Variants in SNX10 observed in about 807,000 individuals in gnomAD.
The protein encoded by SNX10 is sorting nexin-10.
SNX10 carries 25 observed loss-of-function variants against 28.5 expected under a neutral mutation model. That is an observed-to-expected ratio of 0.88 (90% CI 0.64 to 1.22). The LOEUF is 1.22. SNX10 is among the 50% of genes most tolerant of loss of function. The pLI is 0.00. For missense variants in SNX10, 223 were observed against 242.6 expected (o/e 0.92, Z 0.54); for synonymous variants, 62 against 81.4 (o/e 0.76, Z 1.28).
chr7:26,308,995 G>A (rs1584098232), intron 1 of SNX10, among the ~76,000 whole-genome samples: 1 of 152,272 alleles, frequency 6.6e-6, no homozygotes, highest in South Asian at 2.1e-4. Flanking sequence ...TTGTCTTTGA[G>A]TAAGAGAATT....
At chr7:26,341,953 C>CTTCCCTCCG in intron 1 of SNX10, among the ~76,000 whole-genome samples, 2 of 147,962 alleles carry the variant, frequency 1.4e-5, no homozygotes, top group East Asian at 4.0e-4. Flanking sequence ...CCTTCCCTCC[C>CTTCCCTCCG]CTCCCCTCTT....
intron 1 of SNX10, among the ~76,000 whole-genome samples, chr7:26,295,325 G>A (rs1241296120): frequency 1.3e-5 from 2 of 152,062 alleles, no homozygotes; most frequent in Non-Finnish European, 1.5e-5. Flanking sequence ...GCCTCCCAAA[G>A]TGCTGGGATT....
intron 1 of SNX10, among the ~76,000 whole-genome samples, chr7:26,340,596 T>C (rs1788144565): frequency 1.3e-5 from 2 of 152,152 alleles, no homozygotes; most frequent in South Asian, 2.1e-4. Flanking sequence ...CTCAGGGCAG[T>C]GGGGTTGTGA....
chr7:26,368,855 C>T (rs1057508887), intron 5 of SNX10, among the ~76,000 whole-genome samples: 1 of 151,954 alleles, frequency 6.6e-6, no homozygotes, highest in African/African-American at 2.4e-5. Flanking sequence ...AAACTGCTAA[C>T]CTTCCATGTA....
At chr7:26,318,480 T>G (rs975266180) in intron 1 of SNX10, among the ~76,000 whole-genome samples, 2 of 152,190 alleles carry the variant, frequency 1.3e-5, no homozygotes, top group African/African-American at 4.8e-5. Context: ...GTTATTATTA[T>G]TATTTGAGAC....
chr7:26,336,587 C>T (rs1787955705), intron 1 of SNX10, among the ~76,000 whole-genome samples: 2 of 152,116 alleles, frequency 1.3e-5, no homozygotes, highest in Admixed American at 1.3e-4. Context: ...CACCTGTAGT[C>T]CCACCTACCG....
intron 1 of SNX10, among the ~76,000 whole-genome samples, chr7:26,345,404 C>A (rs35139498): frequency 0.11 from 17,130 of 152,206 alleles, 1,024 homozygotes; most frequent in East Asian, 0.17. Flanking sequence ...CTCTCCCATT[C>A]CCTCTCCATG....
chr7:26,324,506 C>T (rs1172079445), intron 1 of SNX10, among the ~76,000 whole-genome samples: 1 of 152,146 alleles, frequency 6.6e-6, no homozygotes, highest in Non-Finnish European at 1.5e-5. Flanking sequence ...ACTACAGGTG[C>T]ACATACCACA....
intron 1 of SNX10, among the ~76,000 whole-genome samples, chr7:26,298,130 G>A (rs529864981): frequency 7.2e-5 from 11 of 152,172 alleles, no homozygotes; most frequent in Non-Finnish European, 1.6e-4. Context: ...ACTGAGGCAA[G>A]AGAATCACTT....
chr7:26,323,802 A>T (rs1205995089), intron 1 of SNX10, among the ~76,000 whole-genome samples: 1 of 152,182 alleles, frequency 6.6e-6, no homozygotes, highest in African/African-American at 2.4e-5. Context: ...GGGTTTCAGC[A>T]ATAAAGTTGG....
chr7:26,341,303 G>T (rs1259377726), intron 1 of SNX10, among the ~76,000 whole-genome samples: 2 of 151,994 alleles, frequency 1.3e-5, no homozygotes, highest in Non-Finnish European at 2.9e-5. Flanking sequence ...TCTCTAAAAT[G>T]AAATAAAATA....
rs12700725 is a variant in SNX10, at chr7:26,322,911, A to G, written c.-23-23509A>G. Among the ~76,000 whole-genome samples the G allele has an allele frequency of 5.6e-3, 857 of 152,318 alleles. 4 individuals are homozygous for G. Among genetic ancestry groups the G allele is most frequent in the Non-Finnish European group, 8.7e-3 (591 of 68,034 alleles). On this transcript the variant is annotated intron_variant, in intron 1 of 6. Transcript: ENST00000338523. ...AATACAGGAAAAATAATTAAAAACA[A>G]ATAAATAGTATAGATTCAGGTTGTG... is the stretch of plus-strand genomic sequence containing the variant.
At position 26,366,285 on chromosome 7, in the gene SNX10, T is replaced by A. The variant is rs1027626349; in HGVS notation, c.311+1140T>A. On this transcript the variant is annotated intron_variant, in intron 5 of 6. Transcript: ENST00000338523. ...TCATAAAGGGTTTGGATATTAAGTA[T>A]GCACATTAATATTAATATTTATTTC... 2.6e-5 allele frequency among the ~76,000 whole-genome samples: 4 copies of A among 152,230 alleles called. No homozygotes were observed. The South Asian group carries it at 8.3e-4, about 31-fold the overall frequency.
At chr7:26,333,415 C>T (rs983993764) in intron 1 of SNX10, among the ~76,000 whole-genome samples, 3 of 150,288 alleles carry the variant, frequency 2.0e-5, no homozygotes, top group South Asian at 2.1e-4. Flanking sequence ...AGCTCCACCT[C>T]CCGGGTTCAC....
intron 1 of SNX10, among the ~76,000 whole-genome samples, chr7:26,320,484 T>G (rs1787268717): frequency 6.6e-6 from 1 of 152,016 alleles, no homozygotes. Flanking sequence ...CGGGCTGGAG[T>G]GCAGTGGTGC....
chr7:26,332,441 T>C (rs1313289635), intron 1 of SNX10, among the ~76,000 whole-genome samples: 1 of 152,230 alleles, frequency 6.6e-6, no homozygotes, highest in Non-Finnish European at 1.5e-5. Flanking sequence ...TTTGTGTTTT[T>C]CTTATTAAGT....
chr7:26,305,390 A>T (rs1786545464), intron 1 of SNX10, among the ~76,000 whole-genome samples: 1 of 152,214 alleles, frequency 6.6e-6, no homozygotes. Flanking sequence ...GTTTTCTATC[A>T]CACTGTAATT....
At chr7:26,369,084 A>G (rs113206256) in intron 5 of SNX10, among the ~76,000 whole-genome samples, 3,496 of 152,300 alleles carry the variant, frequency 0.023, 82 homozygotes, top group African/African-American at 0.057. Context: ...GTTATGGGGA[A>G]AGGAATAACT....
chr7:26,372,094 T>G, intron 6 of SNX10, 61 bp downstream of exon 6: 2 of 1,071,400 alleles, frequency 1.9e-6, no homozygotes, highest in Non-Finnish European at 1.4e-6. Context: ...TATGCACATA[T>G]GCACGTGTAT....
Sources: allele counts gnomAD v4.1 joint callset (sites outside exome capture counted in the v4.1 genomes callset), GRCh38; gene constraint gnomAD v4.1.1; transcripts MANE v1.5; gene names NCBI Gene and HGNC (gene_info 2026-07-23, HGNC 2026-07-21).